NAALADL2: variants seen among roughly 807,000 people sequenced by gnomAD.
The protein encoded by NAALADL2 is N-acetylated alpha-linked acidic dipeptidase like 2.
A neutral mutation model predicts 87.2 loss-of-function variants in NAALADL2; 76 were observed. The observed-to-expected ratio is 0.87, with a 90% CI of 0.72 to 1.05. The LOEUF (loss-of-function observed/expected upper bound fraction) is 1.05. NAALADL2 is among the 50% of genes least tolerant of loss of function. The pLI is 0.00. For missense variants in NAALADL2, 1,089 were observed against 945.8 expected, an observed-to-expected ratio of 1.15 and a Z score of -1.99; for synonymous variants, 354 against 331.0, an observed-to-expected ratio of 1.07 and a Z score of -0.75.
chr3:174,483,183 C>A (rs1218564829), intron 1 of NAALADL2, among the ~76,000 whole-genome samples: 2 of 151,888 alleles, frequency 1.3e-5, no homozygotes, highest in African/African-American at 4.8e-5. Context: ...GTGTATTAGT[C>A]CATTTTAACA....
intron 1 of NAALADL2, among the ~76,000 whole-genome samples, chr3:174,899,342 C>T (rs1424548160): frequency 1.3e-5 from 2 of 152,112 alleles, no homozygotes. Flanking sequence ...CCACCCAAAT[C>T]TCATGTTGAA....
chr3:174,938,641 A>G (rs1384537062), intron 1 of NAALADL2, among the ~76,000 whole-genome samples: 3 of 152,136 alleles, frequency 2.0e-5, no homozygotes, highest in Admixed American at 6.6e-5. Flanking sequence ...TACTCCCACC[A>G]ACAGTGTATA....
chr3:175,010,372 A>G (rs1749617485), intron 1 of NAALADL2, among the ~76,000 whole-genome samples: 1 of 152,142 alleles, frequency 6.6e-6, no homozygotes, highest in South Asian at 2.1e-4. Flanking sequence ...TTGCTTAGAG[A>G]ACATCACTTT....
intron 2 of NAALADL2, among the ~76,000 whole-genome samples, chr3:174,552,140 C>T (rs1712200808): frequency 6.6e-6 from 1 of 152,212 alleles, no homozygotes; most frequent in Admixed American, 6.5e-5. Context: ...CTATGTAAGA[C>T]AATAATAATA....
At position 175,013,149 on chromosome 3, in the gene NAALADL2, A is replaced by C. The variant is rs1309899037; in HGVS notation, c.44-83641A>C. On this transcript the variant is annotated intron_variant, in intron 1 of 13. Transcript: ENST00000454872. ...ATATTTATATATAAATATGTAATAC[A>C]TATTTATATATAAATATGTAATACA... Among the ~76,000 whole-genome samples the C allele has an allele frequency of 3.1e-5, 4 of 127,814 alleles. No individual in the cohort carries two copies. The East Asian group carries it at 8.6e-4, about 27-fold the overall frequency. 83.9% of individuals were successfully genotyped at this position (127,814 alleles called of 152,430 possible).
chr3:175,802,728 A>G (rs1434389558), intron 13 of NAALADL2, among the ~76,000 whole-genome samples: 1 of 150,548 alleles, frequency 6.6e-6, no homozygotes, highest in Admixed American at 6.8e-5. Context: ...TTCTTTTTCT[A>G]TCAAAACTGC....
At chr3:175,508,198 G>A (rs1312979009) in intron 9 of NAALADL2, among the ~76,000 whole-genome samples, 1 of 152,156 alleles carries the variant, frequency 6.6e-6, no homozygotes, top group Non-Finnish European at 1.5e-5. Flanking sequence ...ATTCATGAGG[G>A]ATCTGCCGCC....
intron 3 of NAALADL2, among the ~76,000 whole-genome samples, chr3:174,782,552 T>C (rs1322171427): frequency 1.3e-5 from 2 of 152,088 alleles, no homozygotes; most frequent in African/African-American, 2.4e-5. Context: ...TTTGGTGGAC[T>C]CACCAAATTG....
At position 175,601,963 on chromosome 3, in the gene NAALADL2, C is replaced by G. The variant is rs145124946; in HGVS notation, c.1801-25328C>G. ...TGTCAGCATTTATTTACATTTTTAC[C>G]AATTGCAAAAACATGATAAACAGTT... On this transcript the variant is annotated intron_variant, in intron 10 of 13. Coordinates refer to ENST00000454872, the MANE Select transcript of NAALADL2 (RefSeq NM_207015.3). Among the ~76,000 whole-genome samples the G allele has an allele frequency of 6.7e-3, 1,020 of 152,172 alleles. 9 individuals carry two copies. The highest frequency in any genetic ancestry group is 0.023 in the African/African-American group (975 of 41,520).
intron 1 of NAALADL2, among the ~76,000 whole-genome samples, chr3:174,896,274 G>GA (rs1361754393): frequency 6.6e-6 from 1 of 151,894 alleles, no homozygotes; most frequent in Non-Finnish European, 1.5e-5. Context: ...TCTTATATTT[G>GA]AAAAAACCTA....
At chr3:174,755,118 TAGTG>T (rs1258632001) in intron 3 of NAALADL2, among the ~76,000 whole-genome samples, 1 of 152,156 alleles carries the variant, frequency 6.6e-6, no homozygotes, top group Admixed American at 6.5e-5. Context: ...GTTCTCGTAA[TAGTG>T]AGTGAATTCT....
At chr3:175,727,876 G>A (rs1743143852) in intron 11 of NAALADL2, among the ~76,000 whole-genome samples, 1 of 152,092 alleles carries the variant, frequency 6.6e-6, no homozygotes, top group Admixed American at 6.5e-5. Context: ...TTCAGGTGTT[G>A]GGATGTTTCT....
chr3:174,510,795 A>C (rs114939278), intron 1 of NAALADL2, among the ~76,000 whole-genome samples: 3,423 of 143,992 alleles, frequency 0.024, 126 homozygotes, highest in African/African-American at 0.08. Context: ...AGCTTAAGCA[A>C]GATGATTTAA....
intron 1 of NAALADL2, among the ~76,000 whole-genome samples, chr3:174,495,107 T>G (rs1258772550): frequency 6.6e-6 from 1 of 152,116 alleles, no homozygotes; most frequent in Non-Finnish European, 1.5e-5. Flanking sequence ...CTGGAGAAAT[T>G]TTTTTAAATA....
intron 13 of NAALADL2, among the ~76,000 whole-genome samples, chr3:175,790,239 A>AC (rs972205431): frequency 4.6e-5 from 7 of 152,164 alleles, no homozygotes; most frequent in African/African-American, 1.7e-4. Flanking sequence ...GGGTCTGTGA[A>AC]CAGGAGTCTG....
chr3:175,698,502 T>A lies in NAALADL2; in HGVS notation c.1897-38804T>A, dbSNP rs180915508. Among the ~76,000 whole-genome samples the A allele has an allele frequency of 1.1e-4, 15 of 141,102 alleles. 3 individuals are homozygous for A. Among genetic ancestry groups the A allele is most frequent in the Admixed American group, 2.1e-4 (3 of 14,030 alleles). The allele number at this position is 141,102 out of a possible 152,430, so 92.6% of individuals were successfully genotyped here. ...ATATATTTATATATATATATATATA[T>A]AAAATCTCCAAGCAAATTCCTATGT... On this transcript the variant is annotated intron_variant, in intron 11 of 13. Transcript: ENST00000454872.
chr3:174,981,909 G>A (rs74431122), intron 1 of NAALADL2, among the ~76,000 whole-genome samples: 16,358 of 152,044 alleles, frequency 0.11, 2,156 homozygotes, highest in African/African-American at 0.31. Context: ...AAGAAAGGCC[G>A]AAAAGAGCGG....
At chr3:175,018,396 C>T (rs1474543798) in intron 1 of NAALADL2, among the ~76,000 whole-genome samples, 1 of 151,910 alleles carries the variant, frequency 6.6e-6, no homozygotes, top group East Asian at 1.9e-4. Context: ...CTTAAGAATT[C>T]TATTATTATA....
At chr3:174,723,595 A>G (rs2108958714) in intron 2 of NAALADL2, among the ~76,000 whole-genome samples, 1 of 152,026 alleles carries the variant, frequency 6.6e-6, no homozygotes, top group East Asian at 1.9e-4. Flanking sequence ...CTCTGCTAAA[A>G]ATACAAAACA....
Sources: allele counts gnomAD v4.1 joint callset (sites outside exome capture counted in the v4.1 genomes callset), GRCh38; gene constraint gnomAD v4.1.1; transcripts MANE v1.5; gene names NCBI Gene and HGNC (gene_info 2026-07-23, HGNC 2026-07-21).